Variants in HECW2 observed in about 807,000 individuals in gnomAD.
HECW2 encodes HECT, C2 and WW domain containing E3 ubiquitin protein ligase 2, also known as E3 ubiquitin-protein ligase HECW2.
A neutral mutation model predicts 175.2 loss-of-function variants in HECW2; 61 were observed. That is an observed-to-expected ratio of 0.35 (90% CI 0.28 to 0.43). HECW2 has a LOEUF of 0.43. Ranked by LOEUF, HECW2 falls within the 20% of genes least tolerant of loss-of-function variation. The pLI is 1.00. For missense variants in HECW2, 1,524 were observed against 2,000.5 expected (o/e 0.76, Z 4.54); for synonymous variants, 671 against 731.0 (o/e 0.92, Z 1.32).
Position 196,201,185 on chromosome 2 carries a change from G to A in HECW2, c.*92C>T. 1 of 848,450 alleles carries A rather than the reference G, an allele frequency of 1.2e-6. No individual in the cohort carries two copies. Among genetic ancestry groups the A allele is most frequent in the Non-Finnish European group, 2.0e-6 (1 of 490,100 alleles). The allele number at this position is 848,450 out of a possible 1,614,324, so 52.6% of individuals were successfully genotyped here. ...AGCACATAGCTTTATCCTAAAGGAA[G>A]CATCCTCTTGAAACTTCCAATGTTC... On this transcript the variant is annotated 3_prime_UTR_variant, in exon 29 of 29. Coordinates refer to ENST00000644978, the MANE Select transcript of HECW2 (RefSeq NM_001348768.2).
At chr2:196,348,398 T>C (rs1693040851) in intron 2 of HECW2, among the ~76,000 whole-genome samples, 1 of 152,086 alleles carries the variant, frequency 6.6e-6, no homozygotes, top group East Asian at 1.9e-4. Context: ...ATCCTAACAC[T>C]TCAGTAGGAC....
chr2:196,260,344 G>A (rs1488875883), intron 17 of HECW2: 1 of 152,152 alleles, frequency 6.6e-6, no homozygotes, highest in African/African-American at 2.4e-5. Context: ...CCAGACACTG[G>A]AACATGTCGT....
chr2:196,373,530 T>G (rs1237503919), intron 2 of HECW2, among the ~76,000 whole-genome samples: 2 of 152,142 alleles, frequency 1.3e-5, no homozygotes, highest in East Asian at 3.9e-4. Context: ...AAGCTATATT[T>G]AAAGGTCCGT....
At chr2:196,248,774 C>T (rs1401947928) in intron 19 of HECW2, among the ~76,000 whole-genome samples, 1 of 152,082 alleles carries the variant, frequency 6.6e-6, no homozygotes, top group East Asian at 1.9e-4. Flanking sequence ...AGAAAGAAAA[C>T]GAAGATCATT....
intron 28 of HECW2, among the ~76,000 whole-genome samples, chr2:196,208,509 G>T (rs1056490082): frequency 3.3e-5 from 5 of 152,202 alleles, no homozygotes; most frequent in African/African-American, 1.2e-4. Context: ...TAATCAACAA[G>T]TAAACCAATA....
chr2:196,450,516 A>C (rs935877022), intron 1 of HECW2, among the ~76,000 whole-genome samples: 2 of 122,440 alleles, frequency 1.6e-5, no homozygotes, highest in Non-Finnish European at 3.4e-5. Context: ...TTTGAGATGG[A>C]GTTTCTCTCT....
At chr2:196,522,185 T>G (rs1246318806) in intron 1 of HECW2, among the ~76,000 whole-genome samples, 1 of 152,060 alleles carries the variant, frequency 6.6e-6, no homozygotes, top group Non-Finnish European at 1.5e-5. Context: ...CTAACTGGTG[T>G]GAGACGGTAT....
chr2:196,558,995 A>G (rs577790518), intron 1 of HECW2, among the ~76,000 whole-genome samples: 2 of 152,298 alleles, frequency 1.3e-5, no homozygotes, highest in Admixed American at 1.3e-4. Context: ...ACATCATCTC[A>G]TTAGAGTCTC....
chr2:196,531,640 C>A (rs1419343795), intron 1 of HECW2, among the ~76,000 whole-genome samples: 10 of 141,848 alleles, frequency 7.0e-5, no homozygotes, highest in African/African-American at 2.8e-4. Flanking sequence ...CCAGCCCAGG[C>A]AACAGTGTGA....
intron 16 of HECW2, 59 bp downstream of exon 16, chr2:196,273,962 G>T: frequency 8.0e-7 from 1 of 1,244,824 alleles, no homozygotes; most frequent in Non-Finnish European, 1.2e-6. Context: ...TCAGCACAGT[G>T]TACATGGTAC....
chr2:196,209,022 T>A (rs893487836), intron 28 of HECW2, among the ~76,000 whole-genome samples: 3 of 152,194 alleles, frequency 2.0e-5, no homozygotes, highest in Non-Finnish European at 4.4e-5. Context: ...GGGGGGATGG[T>A]GTCATGGACT....
chr2:196,250,327 G>A (rs917572572), intron 19 of HECW2, among the ~76,000 whole-genome samples: 2 of 151,802 alleles, frequency 1.3e-5, no homozygotes, highest in Admixed American at 6.6e-5. Flanking sequence ...GTATGTTCCA[G>A]TTGTTAATGG....
At chr2:196,361,236 A>C (rs1693577119) in intron 2 of HECW2, among the ~76,000 whole-genome samples, 1 of 152,174 alleles carries the variant, frequency 6.6e-6, no homozygotes, top group African/African-American at 2.4e-5. Flanking sequence ...CAGTTGCCAC[A>C]AGATACTACA....
intron 1 of HECW2, among the ~76,000 whole-genome samples, chr2:196,531,448 G>A (rs550199978): frequency 2.4e-4 from 37 of 152,236 alleles, no homozygotes; most frequent in African/African-American, 8.7e-4. Context: ...ACAAGGTCAG[G>A]AGTTCGAGAC....
At position 196,220,810 on chromosome 2, in the gene HECW2, C is replaced by G. The variant is rs1433539369; in HGVS notation, c.4278G>C (p.Val1426=). 6.2e-7 allele frequency: 1 copy of G among 1,614,122 alleles called. No individual in the cohort carries two copies. Among genetic ancestry groups the G allele is most frequent in the Admixed American group, 1.7e-5 (1 of 60,010 alleles). Residue 1426 remains valine, a synonymous_variant, in exon 25 of 29, where the codon GTG becomes GTC. Transcript: ENST00000644978. ...RGVVQQTESL[V]RGFYEVVDAR... ...TTGTCTTTACCTCATAGAAGCCACG[C>G]ACTAAGCTCTCTGTTTGCTGTACAA... is the stretch of plus-strand genomic sequence containing the variant.
chr2:196,307,244 G>A lies in HECW2; in HGVS notation c.2586-11C>T, dbSNP rs932660131. On this transcript the variant is annotated splice_polypyrimidine_tract_variant and intron_variant, in intron 11 of 28. Coordinates refer to ENST00000644978, the MANE Select transcript of HECW2 (RefSeq NM_001348768.2). Reference sequence around the variant, plus strand: ...CGGATACTCTGATATCTAAAATCATGAGCCTAGAGTTACATTCCAGCAGCA... The same window carrying A: ...CGGATACTCTGATATCTAAAATCATAAGCCTAGAGTTACATTCCAGCAGCA... 8.3e-6 allele frequency: 13 copies of A among 1,573,958 alleles called. No homozygotes were observed. The African/African-American group carries it at 1.2e-4, about 15-fold the overall frequency.
At chr2:196,285,759 C>T (rs1173304604) in intron 14 of HECW2, among the ~76,000 whole-genome samples, 1 of 152,154 alleles carries the variant, frequency 6.6e-6, no homozygotes, top group African/African-American at 2.4e-5. Flanking sequence ...GTAAAAAAAT[C>T]GTCATGCTAA....
At chr2:196,517,232 T>C (rs1188904990) in intron 1 of HECW2, among the ~76,000 whole-genome samples, 1 of 152,206 alleles carries the variant, frequency 6.6e-6, no homozygotes, top group Non-Finnish European at 1.5e-5. Context: ...TCTAAGCCAG[T>C]ATTTGAAGTT....
At position 196,491,501 on chromosome 2, in the gene HECW2, T is replaced by C. The variant is rs13007775; in HGVS notation, c.-35-58043A>G. Among the ~76,000 whole-genome samples, 602 of 125,968 alleles carry C rather than the reference T, an allele frequency of 4.8e-3. 2 individuals are homozygous for C. The highest frequency in any genetic ancestry group is 0.012 in the African/African-American group (413 of 35,508). 82.6% of individuals were successfully genotyped at this position (125,968 alleles called of 152,430 possible). The stretch of plus-strand genomic sequence containing the variant: ...ATATATATATACACATATATATATA[T>C]ACACACACACACACACACACACACA... On this transcript the variant is annotated intron_variant, in intron 1 of 28. Coordinates refer to ENST00000644978, the MANE Select transcript of HECW2 (RefSeq NM_001348768.2).
Sources: allele counts gnomAD v4.1 joint callset (sites outside exome capture counted in the v4.1 genomes callset), GRCh38; gene constraint gnomAD v4.1.1; transcripts MANE v1.5; gene names NCBI Gene and HGNC (gene_info 2026-07-23, HGNC 2026-07-21).